Variants in SH3RF3 observed in about 807,000 individuals in gnomAD.
SH3RF3 encodes the protein E3 ubiquitin-protein ligase SH3RF3.
Under a neutral mutation model 66.3 loss-of-function variants are expected in SH3RF3, and 29 were observed. That is an observed-to-expected ratio of 0.44 (90% CI 0.33 to 0.60). The LOEUF (loss-of-function observed/expected upper bound fraction) is 0.60, where lower values mean the gene tolerates loss of function less well. Among genes scored for constraint, SH3RF3 ranks in the 20% least tolerant of loss-of-function variants. The pLI is 0.04. For synonymous variants in SH3RF3, 583 were observed against 532.0 expected (o/e 1.10, Z -1.32); for missense variants, 1,194 against 1,190.9 (o/e 1.00, Z -0.04).
chr2:109,491,271 G>T (rs564488009), intron 9 of SH3RF3, among the ~76,000 whole-genome samples: 1 of 152,298 alleles, frequency 6.6e-6, no homozygotes, highest in African/African-American at 2.4e-5. Flanking sequence ...AACCCTGGGG[G>T]ATCCTGGAGC....
intron 9 of SH3RF3, among the ~76,000 whole-genome samples, chr2:109,494,083 C>A (rs948886279): frequency 2.0e-5 from 3 of 152,318 alleles, no homozygotes; most frequent in Non-Finnish European, 4.4e-5. Flanking sequence ...TAGTTCAAAG[C>A]TGTTCTCATG....
intron 1 of SH3RF3, among the ~76,000 whole-genome samples, chr2:109,231,419 G>T (rs1403852206): frequency 6.6e-6 from 1 of 152,178 alleles, no homozygotes; most frequent in Non-Finnish European, 1.5e-5. Context: ...GCCTGGTTGG[G>T]GCAGGATGCT....
intron 1 of SH3RF3, among the ~76,000 whole-genome samples, chr2:109,216,588 C>T (rs544189788): frequency 2.1e-4 from 32 of 152,248 alleles, no homozygotes; most frequent in African/African-American, 7.7e-4. Context: ...TGGGGCAGAG[C>T]GTTTCCTGAA....
intron 8 of SH3RF3, among the ~76,000 whole-genome samples, chr2:109,460,513 A>G (rs909546114): frequency 9.2e-5 from 14 of 152,174 alleles, no homozygotes; most frequent in African/African-American, 3.1e-4. Context: ...CACTCTGTTC[A>G]TGGGTCCACT....
At chr2:109,187,867 T>C (rs1678234513) in intron 1 of SH3RF3, among the ~76,000 whole-genome samples, 1 of 152,164 alleles carries the variant, frequency 6.6e-6, no homozygotes, top group South Asian at 2.1e-4. Context: ...GACTGGGTGC[T>C]CTCTTCCTGC....
chr2:109,244,339 GAC>G (rs1679860108), intron 1 of SH3RF3, among the ~76,000 whole-genome samples: 1 of 152,168 alleles, frequency 6.6e-6, no homozygotes, highest in African/African-American at 2.4e-5. Flanking sequence ...TGAGAAAAGT[GAC>G]ACAGAGCAGA....
chr2:109,426,430 A>G (rs1416451802), intron 5 of SH3RF3, among the ~76,000 whole-genome samples: 1 of 152,256 alleles, frequency 6.6e-6, no homozygotes, highest in East Asian at 1.9e-4. Flanking sequence ...TCAAGACTTC[A>G]GTGTAGGAAG....
At chr2:109,180,098 G>T (rs1214071791) in intron 1 of SH3RF3, among the ~76,000 whole-genome samples, 3 of 151,984 alleles carry the variant, frequency 2.0e-5, no homozygotes, top group Admixed American at 2.0e-4. Context: ...GCCTCCATGG[G>T]GTTAGGAACC....
intron 1 of SH3RF3, among the ~76,000 whole-genome samples, chr2:109,162,483 A>G (rs1213542886): frequency 6.6e-6 from 1 of 152,158 alleles, no homozygotes; most frequent in Non-Finnish European, 1.5e-5. Context: ...TTACCTATGT[A>G]TACATGTGCC....
At chr2:109,445,796 T>C (rs1056477494) in intron 7 of SH3RF3, among the ~76,000 whole-genome samples, 3 of 152,184 alleles carry the variant, frequency 2.0e-5, no homozygotes. Context: ...ATTTCATCCC[T>C]GAAGTGGGAA....
At chr2:109,161,532 T>A (rs751451154) in intron 1 of SH3RF3, among the ~76,000 whole-genome samples, 13 of 151,604 alleles carry the variant, frequency 8.6e-5, no homozygotes, top group Non-Finnish European at 1.5e-4. Context: ...GGGGAACATG[T>A]CTTAGTCTAG....
intron 1 of SH3RF3, among the ~76,000 whole-genome samples, chr2:109,152,008 T>C (rs1677234825): frequency 6.6e-6 from 1 of 152,228 alleles, no homozygotes; most frequent in African/African-American, 2.4e-5. Context: ...ACCCAGCTGA[T>C]TATTTAAATT....
At chr2:109,487,256 C>T (rs1679007547) in intron 8 of SH3RF3, among the ~76,000 whole-genome samples, 2 of 152,160 alleles carry the variant, frequency 1.3e-5, no homozygotes, top group South Asian at 2.1e-4. Flanking sequence ...ACGGTGTTGT[C>T]CCCCAAATCA....
intron 1 of SH3RF3, among the ~76,000 whole-genome samples, chr2:109,151,424 A>G (rs1157459901): frequency 1.3e-5 from 2 of 152,230 alleles, no homozygotes; most frequent in Non-Finnish European, 2.9e-5. Flanking sequence ...TTATACTCCA[A>G]AGCAGCACCA....
intron 1 of SH3RF3, among the ~76,000 whole-genome samples, chr2:109,297,599 C>A (rs1681347505): frequency 2.0e-5 from 3 of 150,864 alleles, no homozygotes; most frequent in African/African-American, 7.3e-5. Flanking sequence ...AGTCAGTGCC[C>A]CCAACCTGGG....
At chr2:109,203,574 G>C (rs1399179021) in intron 1 of SH3RF3, among the ~76,000 whole-genome samples, 1 of 152,102 alleles carries the variant, frequency 6.6e-6, no homozygotes, top group African/African-American at 2.4e-5. Context: ...CATGTGGTTC[G>C]TCCAGCTCTC....
chr2:109,131,865 C>G (rs1273072598), intron 1 of SH3RF3, among the ~76,000 whole-genome samples: 1 of 152,148 alleles, frequency 6.6e-6, no homozygotes, highest in South Asian at 2.1e-4. Context: ...GTTTAATAGA[C>G]GAGCACTTAT....
chr2:109,404,276 G>T (rs1676390537), intron 4 of SH3RF3, among the ~76,000 whole-genome samples: 1 of 152,222 alleles, frequency 6.6e-6, no homozygotes, highest in African/African-American at 2.4e-5. Flanking sequence ...CTGAGGCTTT[G>T]TTGATGAGAA....
chr2:109,149,103 C>T (rs1359503616), intron 1 of SH3RF3, among the ~76,000 whole-genome samples: 3 of 152,100 alleles, frequency 2.0e-5, no homozygotes, highest in East Asian at 1.9e-4. Flanking sequence ...AGACACTGTT[C>T]TGGGCTCTGG....
Sources: allele counts gnomAD v4.1 joint callset (sites outside exome capture counted in the v4.1 genomes callset), GRCh38; gene constraint gnomAD v4.1.1; transcripts MANE v1.5; gene names NCBI Gene and HGNC (gene_info 2026-07-23, HGNC 2026-07-21).